XXYLT1: variants seen among roughly 807,000 people sequenced by gnomAD.
XXYLT1 encodes xyloside xylosyltransferase 1.
In XXYLT1, 20 loss-of-function variants were observed where a neutral mutation model predicts 28.9. The ratio of observed to expected loss-of-function variants is 0.69; its 90% CI spans 0.49 to 1.00. The LOEUF is 1.00. XXYLT1 is among the 50% of genes least tolerant of loss of function. XXYLT1 has a pLI of 0.00. For synonymous variants in XXYLT1, 257 were observed against 253.8 expected, an observed-to-expected ratio of 1.01 and a Z score of -0.12; for missense variants, 542 against 560.1, an observed-to-expected ratio of 0.97 and a Z score of 0.33.
Position 195,271,096 on chromosome 3 carries a change from C to T in XXYLT1, c.-38G>A. The stretch of plus-strand genomic sequence containing the variant: ...CGCGGCGCCAGCGGTGCCAGCAACG[C>T]GGGAGAGCCCTCGGGTACCCGGACG... On this transcript the variant is annotated 5_prime_UTR_variant, in exon 1 of 4. Transcript: ENST00000310380. 1 of 1,303,310 alleles carries T rather than the reference C, an allele frequency of 7.7e-7. No individual in the cohort carries two copies. 80.7% of individuals were successfully genotyped at this position (1,303,310 alleles called of 1,614,324 possible).
intron 3 of XXYLT1, among the ~76,000 whole-genome samples, chr3:195,089,729 G>A (rs1336157432): frequency 6.6e-6 from 1 of 151,102 alleles, no homozygotes; most frequent in Non-Finnish European, 1.5e-5. Flanking sequence ...GACACAGACT[G>A]GCAAATTGGA....
intron 3 of XXYLT1, among the ~76,000 whole-genome samples, chr3:195,102,969 G>A (rs915995735): frequency 5.3e-5 from 8 of 152,128 alleles, no homozygotes; most frequent in South Asian, 2.1e-4. Flanking sequence ...CCACACCCTC[G>A]CCAACAGTGG....
intron 2 of XXYLT1, among the ~76,000 whole-genome samples, chr3:195,184,423 C>T (rs535803053): frequency 1.6e-4 from 25 of 152,296 alleles, no homozygotes; most frequent in South Asian, 1.2e-3. Context: ...GCTAACTGAA[C>T]GGCATGATCT....
rs1718992420 is a variant in XXYLT1, at chr3:195,133,249, T to C, written c.785+23200A>G. 6.6e-6 allele frequency among the ~76,000 whole-genome samples: 1 copy of C among 152,076 alleles called. No homozygotes were observed. The highest frequency in any genetic ancestry group is 2.4e-5 in the African/African-American group (1 of 41,414). ...CAGATGGCTGCAAGTCCCAACGCTC[T>C]GATAAAAAAAGGAAAATTAATTTTT... On this transcript the variant is annotated intron_variant, in intron 3 of 3. Coordinates refer to ENST00000310380, the MANE Select transcript of XXYLT1 (RefSeq NM_152531.5). The surrounding 1 kb of genome is among the most constrained non-coding windows in gnomAD (Gnocchi z 4.4).
chr3:195,082,717 C>T (rs914145715), intron 3 of XXYLT1, among the ~76,000 whole-genome samples: 12 of 152,018 alleles, frequency 7.9e-5, no homozygotes, highest in African/African-American at 2.4e-4. Context: ...GGTGTGGTGG[C>T]GCGTGCCTAT....
At chr3:195,109,330 C>G (rs1367971244) in intron 3 of XXYLT1, among the ~76,000 whole-genome samples, 1 of 151,898 alleles carries the variant, frequency 6.6e-6, no homozygotes, top group Non-Finnish European at 1.5e-5. Context: ...TCTCCCAAGC[C>G]AGCAGCGTGT....
intron 3 of XXYLT1, among the ~76,000 whole-genome samples, chr3:195,110,876 GGTGTATGTGTGCGT>G (rs1717664474): frequency 1.2e-5 from 1 of 82,844 alleles, no homozygotes; most frequent in South Asian, 3.3e-4. Context: ...TGTGGTGTGT[GGTGTATGTGTGCGT>G]GTGTGTGGGT....
chr3:195,257,067 G>C lies in XXYLT1; in HGVS notation c.504+13488C>G, dbSNP rs532890482. Among the ~76,000 whole-genome samples, 1 of 152,338 alleles carries C rather than the reference G, an allele frequency of 6.6e-6. No homozygotes were observed. The highest frequency in any genetic ancestry group is 2.1e-4 in the South Asian group (1 of 4,832). On this transcript the variant is annotated intron_variant, in intron 1 of 3. Transcript: ENST00000310380. The surrounding 1 kb of genome is among the most constrained non-coding windows in gnomAD (Gnocchi z 4.3). ...TGGATGACTTTCTGCAGGAGAACCCGTGACAAGAGGGACCGGGAAGCTTTC... is the reference window on the plus strand; with the variant it reads ...TGGATGACTTTCTGCAGGAGAACCCCTGACAAGAGGGACCGGGAAGCTTTC...
chr3:195,110,238 GTGC>G (rs1560100472), intron 3 of XXYLT1, among the ~76,000 whole-genome samples: 8 of 38,892 alleles, frequency 2.1e-4, no homozygotes, highest in South Asian at 9.5e-4. Flanking sequence ...AGTGTGTGGT[GTGC>G]GTGTGTGGGT....
intron 1 of XXYLT1, among the ~76,000 whole-genome samples, chr3:195,230,993 G>T (rs922659526): frequency 6.6e-6 from 1 of 151,884 alleles, no homozygotes; most frequent in Non-Finnish European, 1.5e-5. Context: ...TAACAATATT[G>T]GTTCTTCCAA....
At chr3:195,245,026 G>C (rs1365448244) in intron 1 of XXYLT1, among the ~76,000 whole-genome samples, 2 of 149,554 alleles carry the variant, frequency 1.3e-5, no homozygotes, top group East Asian at 2.1e-4. Flanking sequence ...ATTAGCCGGG[G>C]GTGGTGGCAC....
At chr3:195,178,305 A>G (rs940603045) in intron 2 of XXYLT1, among the ~76,000 whole-genome samples, 1 of 152,070 alleles carries the variant, frequency 6.6e-6, no homozygotes, top group South Asian at 2.1e-4. Flanking sequence ...CCTAACCGCT[A>G]ATCACCATAC....
At chr3:195,205,307 G>T (rs1448903783) in intron 2 of XXYLT1, among the ~76,000 whole-genome samples, 2 of 152,144 alleles carry the variant, frequency 1.3e-5, no homozygotes, top group African/African-American at 4.8e-5. Context: ...TGGTATATTC[G>T]CATGATGAAA....
intron 3 of XXYLT1, among the ~76,000 whole-genome samples, chr3:195,073,958 G>C (rs373446207): frequency 6.6e-6 from 1 of 152,144 alleles, no homozygotes; most frequent in Non-Finnish European, 1.5e-5. Context: ...AAGGGCTCTC[G>C]AGAGAGCCGG....
At chr3:195,248,393 G>A (rs769380884) in intron 1 of XXYLT1, among the ~76,000 whole-genome samples, 12 of 152,304 alleles carry the variant, frequency 7.9e-5, no homozygotes, top group East Asian at 1.9e-4. Context: ...GGTCTTTCCC[G>A]TGCAGTTCCT....
intron 2 of XXYLT1, among the ~76,000 whole-genome samples, chr3:195,167,138 T>G (rs1721167159): frequency 1.3e-5 from 2 of 152,266 alleles, no homozygotes; most frequent in Admixed American, 1.3e-4. Context: ...GTCCTATCAC[T>G]GTGACGTTAA....
intron 2 of XXYLT1, among the ~76,000 whole-genome samples, chr3:195,185,805 A>G (rs541522416): frequency 7.2e-5 from 11 of 152,110 alleles, no homozygotes; most frequent in African/African-American, 2.4e-4. Context: ...AGAGGCTCAC[A>G]CCCCATCTAC....
intron 1 of XXYLT1, chr3:195,259,568 C>G (rs773598719): frequency 2.7e-4 from 265 of 985,346 alleles, no homozygotes; most frequent in Non-Finnish European, 3.1e-4. Flanking sequence ...AGAGGCCTCC[C>G]GCCCCAGGTA....
intron 2 of XXYLT1, among the ~76,000 whole-genome samples, chr3:195,183,890 T>C (rs1215501473): frequency 1.3e-5 from 2 of 152,204 alleles, no homozygotes; most frequent in Non-Finnish European, 2.9e-5. Context: ...GGCCTGACAC[T>C]TCCCAGGATC....
Sources: allele counts gnomAD v4.1 joint callset (sites outside exome capture counted in the v4.1 genomes callset), GRCh38; gene constraint gnomAD v4.1.1; non-coding constraint Gnocchi (gnomAD v3.1); transcripts MANE v1.5; gene names NCBI Gene and HGNC (gene_info 2026-07-23, HGNC 2026-07-21).